The following ADARB2 variants were observed in gnomAD, a reference collection of about 807,000 sequenced individuals.
ADARB2 encodes adenosine deaminase RNA specific B2 (inactive), also known as inactive double-stranded RNA-specific editase B2.
A neutral mutation model predicts 62.2 loss-of-function variants in ADARB2; 25 were observed. That is an observed-to-expected ratio of 0.40 (90% CI 0.29 to 0.56). The LOEUF (loss-of-function observed/expected upper bound fraction) is 0.56, where lower values mean the gene tolerates loss of function less well. Among genes scored for constraint, ADARB2 ranks in the 20% least tolerant of loss-of-function variants. The pLI, the probability that ADARB2 is intolerant of heterozygous loss-of-function variation, is 0.43. For missense variants in ADARB2, 1,071 were observed against 1,077.4 expected (o/e 0.99, Z 0.08); for synonymous variants, 572 against 500.8 (o/e 1.14, Z -1.90).
intron 3 of ADARB2, among the ~76,000 whole-genome samples, chr10:1,343,107 CAT>C (rs1472615791): frequency 6.6e-6 from 1 of 152,160 alleles, no homozygotes; most frequent in Admixed American, 6.5e-5. Context: ...ATACACAAGA[CAT>C]GAAGTTAGTC....
chr10:1,232,006 T>C (rs1009728571), intron 6 of ADARB2, among the ~76,000 whole-genome samples: 105 of 152,292 alleles, frequency 6.9e-4, no homozygotes, highest in African/African-American at 2.3e-3. Flanking sequence ...ACCTTGGTAA[T>C]TAAACCACCA....
Position 1,270,939 on chromosome 10 carries a change from AAG to A in ADARB2, c.1192+14_1192+15del. 1 of 1,610,312 alleles carries A rather than the reference AAG, an allele frequency of 6.2e-7. No individual in the cohort carries two copies. Among genetic ancestry groups the A allele is most frequent in the Middle Eastern group, 1.7e-4 (1 of 6,058 alleles). Reference sequence around the variant, plus strand: ...TTAGAGATGAAAATGCCCACAGGAAAAGAGGAGGTGGCTACCTTTGGTCATGA... The same window carrying A: ...TTAGAGATGAAAATGCCCACAGGAAAAGGAGGTGGCTACCTTTGGTCATGA... On this transcript the variant is annotated intron_variant, in intron 4 of 9. Coordinates refer to ENST00000381312, the MANE Select transcript of ADARB2 (RefSeq NM_018702.4).
At chr10:1,312,892 CCATTTTGTGTGTTT>C (rs1831705251) in intron 3 of ADARB2, among the ~76,000 whole-genome samples, 1 of 152,180 alleles carries the variant, frequency 6.6e-6, no homozygotes, top group Admixed American at 6.5e-5. Flanking sequence ...TTTGTGTCTT[CCATTTTGTGTGTTT>C]CGCCATCTTT....
chr10:1,375,788 GCACACACGCA>G (rs1473813883), intron 2 of ADARB2, among the ~76,000 whole-genome samples: 2 of 141,816 alleles, frequency 1.4e-5, no homozygotes, highest in Non-Finnish European at 3.0e-5. Context: ...GCACACACAT[GCACACACGCA>G]CACACACACC....
intron 1 of ADARB2, among the ~76,000 whole-genome samples, chr10:1,387,818 T>C: frequency 6.6e-6 from 1 of 151,990 alleles, no homozygotes; most frequent in Non-Finnish European, 1.5e-5. Context: ...TACAGACCCA[T>C]GGTCCTCACG....
chr10:1,420,362 G>A (rs2820659), intron 1 of ADARB2, among the ~76,000 whole-genome samples: 7,613 of 152,240 alleles, frequency 0.05, 647 homozygotes, highest in African/African-American at 0.17. Flanking sequence ...TCAGGCCAGC[G>A]CAGCCACGGA....
intron 4 of ADARB2, among the ~76,000 whole-genome samples, chr10:1,253,816 G>T (rs1831056323): frequency 6.6e-6 from 1 of 152,242 alleles, no homozygotes. Context: ...AGGAAGAGTA[G>T]CTGAAGACTG....
intron 4 of ADARB2, among the ~76,000 whole-genome samples, chr10:1,247,293 T>C (rs373194118): frequency 4.3e-4 from 66 of 152,302 alleles, no homozygotes; most frequent in Non-Finnish European, 6.9e-4. Context: ...AATTTGACTT[T>C]CTCTTTTCCT....
rs555096070 is a variant in ADARB2, at chr10:1,487,494, C to T, written c.101-108334G>A. Among the ~76,000 whole-genome samples the T allele has an allele frequency of 2.6e-5, 4 of 152,288 alleles. No individual in the cohort carries two copies. In the South Asian group the frequency reaches 8.3e-4, roughly 32 times the overall value. On this transcript the variant is annotated intron_variant, in intron 1 of 9. Coordinates refer to ENST00000381312, the MANE Select transcript of ADARB2 (RefSeq NM_018702.4). ...GAGACCCTGTGGGCTCACCCATGCC[C>T]TGCCCTGACCTGCTCCCGGCCCTGG...
chr10:1,562,990 C>A (rs145540769), intron 1 of ADARB2, among the ~76,000 whole-genome samples: 1 of 152,252 alleles, frequency 6.6e-6, no homozygotes, highest in East Asian at 1.9e-4. Flanking sequence ...GCTGAGCTCC[C>A]GCACCCTGTG....
intron 1 of ADARB2, among the ~76,000 whole-genome samples, chr10:1,671,328 C>G (rs1834382609): frequency 6.6e-6 from 1 of 152,172 alleles, no homozygotes; most frequent in Non-Finnish European, 1.5e-5. Context: ...CACGGTTGCC[C>G]CAGGAAAGGA....
At chr10:1,433,553 T>C (rs61831773) in intron 1 of ADARB2, among the ~76,000 whole-genome samples, 6,925 of 152,134 alleles carry the variant, frequency 0.046, 163 homozygotes, top group East Asian at 0.084. Context: ...GTTGTCGGTG[T>C]TGAGGTTGTT....
intron 1 of ADARB2, among the ~76,000 whole-genome samples, chr10:1,412,704 C>A (rs1299180285): frequency 1.3e-5 from 2 of 152,280 alleles, no homozygotes; most frequent in East Asian, 3.9e-4. Context: ...AGGTGCATCC[C>A]TGCTCAGACC....
rs1241025385 is a variant in ADARB2 at position 1,704,871 on chromosome 10, G to A, written c.100+32180C>T. Among the ~76,000 whole-genome samples the A allele has an allele frequency of 6.6e-6, 1 of 152,104 alleles. No homozygotes were observed. The highest frequency in any genetic ancestry group is 1.5e-5 in the Non-Finnish European group (1 of 68,028). ...CCTGAGCCTCCACTCTCTCACTGAG[G>A]AGCCCAGCAGTTTATCATTTGAGCA... On this transcript the variant is annotated intron_variant, in intron 1 of 9. Coordinates refer to ENST00000381312, the MANE Select transcript of ADARB2 (RefSeq NM_018702.4). The surrounding 1 kb of genome is among the most constrained non-coding windows in gnomAD (Gnocchi z 5.6).
intron 3 of ADARB2, among the ~76,000 whole-genome samples, chr10:1,303,748 C>T (rs1358766339): frequency 4.6e-5 from 7 of 152,120 alleles, no homozygotes; most frequent in Non-Finnish European, 8.8e-5. Context: ...GAATTTTCAA[C>T]CCAGAATTTC....
At chr10:1,652,401 G>A (rs1011310922) in intron 1 of ADARB2, among the ~76,000 whole-genome samples, 6 of 152,186 alleles carry the variant, frequency 3.9e-5, no homozygotes, top group African/African-American at 7.2e-5. Flanking sequence ...CTCCCGGGAA[G>A]ACCAAGCCAT....
chr10:1,355,920 CAT>C (rs1426321407), intron 3 of ADARB2, among the ~76,000 whole-genome samples: 15 of 152,038 alleles, frequency 9.9e-5, no homozygotes, highest in African/African-American at 2.7e-4. Context: ...AAATATATAG[CAT>C]ACATTGTATA....
chr10:1,200,257 G>A, intron 7 of ADARB2, 110 bp from the exon 8 acceptor site: 1 of 1,444,418 alleles, frequency 6.9e-7, no homozygotes. Flanking sequence ...TTCCCATCGT[G>A]CGGACCTTGG....
chr10:1,653,413 G>A (rs1432135958), intron 1 of ADARB2, among the ~76,000 whole-genome samples: 1 of 152,192 alleles, frequency 6.6e-6, no homozygotes, highest in Non-Finnish European at 1.5e-5. Context: ...GTTTGAGGCT[G>A]CTGTAGGCTC....
Sources: gnomAD v4.1 joint callset for allele counts (sites outside exome capture counted in the v4.1 genomes callset) on GRCh38, gnomAD v4.1.1 for gene constraint, Gnocchi (gnomAD v3.1) non-coding constraint, MANE v1.5 for transcripts, NCBI Gene and HGNC (gene_info 2026-07-23, HGNC 2026-07-21) for gene names.